ERICH6: variants seen among roughly 807,000 people sequenced by gnomAD.
ERICH6 encodes glutamate-rich protein 6.
Under a neutral mutation model 71.0 loss-of-function variants are expected in ERICH6, and 71 were observed. That is an observed-to-expected ratio of 1.00 (90% confidence interval 0.83 to 1.22). The LOEUF (loss-of-function observed/expected upper bound fraction) is 1.22. Ranked by LOEUF, ERICH6 falls within the 50% of genes most tolerant of loss-of-function variation. The probability of loss-of-function intolerance (pLI) is 0.00; values close to 1 mark genes in which losing one functional copy is unlikely to be tolerated. For missense variants in ERICH6, 808 were observed against 797.2 expected, an observed-to-expected ratio of 1.01 and a Z score of -0.16; for synonymous variants, 262 against 278.4, an observed-to-expected ratio of 0.94 and a Z score of 0.59.
intron 11 of ERICH6, among the ~76,000 whole-genome samples, chr3:150,672,434 C>T (rs1004655974): frequency 4.6e-5 from 7 of 151,480 alleles, no homozygotes; most frequent in African/African-American, 1.7e-4. Flanking sequence ...CCTGTCTCTA[C>T]TAAAAATACA....
chr3:150,703,584 G>C lies in ERICH6; in HGVS notation c.315C>G (p.Ser105Arg), dbSNP rs775879609. ...GGCTGGGCACGAACGTAGAGGTCAG[G>C]CTAGGGCTGACGATGCTGGCTAAGC... ...RPRLASIVSP[S>R]LTSTFVPSQS... Residue 105 changes from serine (S) to arginine (R), a missense_variant, in exon 1 of 14, where the codon AGC becomes AGG. Ser to Arg is a moderately radical substitution (Grantham distance 110). Coordinates refer to ENST00000295910, the MANE Select transcript of ERICH6 (RefSeq NM_152394.5). The C allele has an allele frequency of 6.2e-7, 1 of 1,614,026 alleles. No individual in the cohort carries two copies. The highest frequency in any genetic ancestry group is 8.5e-7 in the Non-Finnish European group (1 of 1,180,012).
chr3:150,662,865 G>A (rs1041321694), intron 13 of ERICH6, among the ~76,000 whole-genome samples: 2 of 152,184 alleles, frequency 1.3e-5, no homozygotes, highest in Non-Finnish European at 2.9e-5. Flanking sequence ...CATGCTAAAT[G>A]GGGATAAAAC....
At chr3:150,689,372 G>A (rs1712330963) in intron 3 of ERICH6, among the ~76,000 whole-genome samples, 2 of 152,138 alleles carry the variant, frequency 1.3e-5, no homozygotes, top group South Asian at 2.1e-4. Context: ...TCATGCTGCC[G>A]TTCCATAGCT....
intron 11 of ERICH6, among the ~76,000 whole-genome samples, chr3:150,671,779 C>T (rs1048247235): frequency 1.3e-5 from 2 of 152,114 alleles, no homozygotes; most frequent in Non-Finnish European, 2.9e-5. Context: ...AGGTGTGCAC[C>T]ACAACACCTG....
intron 12 of ERICH6, among the ~76,000 whole-genome samples, chr3:150,668,130 T>G (rs531509862): frequency 6.6e-6 from 1 of 152,344 alleles, no homozygotes; most frequent in East Asian, 1.9e-4. Flanking sequence ...AGTTTTATCT[T>G]GAAATCTGGG....
chr3:150,686,246 C>A, intron 4 of ERICH6, 52 bp downstream of exon 4: 1 of 1,576,888 alleles, frequency 6.3e-7, no homozygotes, highest in East Asian at 2.2e-5. Context: ...TGATTCCCTT[C>A]TGGTAGTTTA....
At chr3:150,689,080 C>T (rs763375859) in intron 3 of ERICH6, among the ~76,000 whole-genome samples, 27 of 152,200 alleles carry the variant, frequency 1.8e-4, no homozygotes, top group Middle Eastern at 3.2e-3. Context: ...CTTGAGCTAT[C>T]TGTATGGCTC....
At chr3:150,677,211 G>T (rs1447801746) in intron 10 of ERICH6, among the ~76,000 whole-genome samples, 2 of 152,148 alleles carry the variant, frequency 1.3e-5, no homozygotes, top group Non-Finnish European at 2.9e-5. Flanking sequence ...CTGAGTAGCT[G>T]GGATTACAGG....
intron 10 of ERICH6, among the ~76,000 whole-genome samples, chr3:150,674,726 C>T (rs1711583663): frequency 6.6e-6 from 1 of 152,110 alleles, no homozygotes; most frequent in Admixed American, 6.6e-5. Flanking sequence ...TAAAATATTT[C>T]CTCTGCCTAT....
At chr3:150,673,507 ATCTT>A in intron 11 of ERICH6, among the ~76,000 whole-genome samples, 1 of 151,378 alleles carries the variant, frequency 6.6e-6, no homozygotes. Context: ...GTTTTGTTTT[ATCTT>A]TCTATTTATG....
At chr3:150,690,761 G>T (rs1712402520) in intron 3 of ERICH6, among the ~76,000 whole-genome samples, 1 of 152,142 alleles carries the variant, frequency 6.6e-6, no homozygotes, top group Admixed American at 6.6e-5. Context: ...TGCCAAATAT[G>T]ATAAGATGTC....
chr3:150,681,489 A>G (rs1711934396), intron 7 of ERICH6, among the ~76,000 whole-genome samples: 1 of 152,214 alleles, frequency 6.6e-6, no homozygotes, highest in South Asian at 2.1e-4. Context: ...GCTATTACGA[A>G]TCATGCTGCT....
At chr3:150,668,432 A>G (rs1396757962) in intron 12 of ERICH6, among the ~76,000 whole-genome samples, 1 of 152,212 alleles carries the variant, frequency 6.6e-6, no homozygotes, top group Non-Finnish European at 1.5e-5. Context: ...TCTAGAAACC[A>G]ACGAATATTG....
intron 2 of ERICH6, among the ~76,000 whole-genome samples, chr3:150,701,463 AT>A (rs1277541544): frequency 6.6e-6 from 1 of 152,148 alleles, no homozygotes; most frequent in African/African-American, 2.4e-5. Context: ...GTGTAGTTTG[AT>A]TTTTTTAACC....
chr3:150,697,263 A>G (rs1712690147), intron 3 of ERICH6, among the ~76,000 whole-genome samples: 1 of 152,236 alleles, frequency 6.6e-6, no homozygotes, highest in Non-Finnish European at 1.5e-5. Flanking sequence ...CAACATGATA[A>G]TAGTGGTGAC....
chr3:150,703,316 C>CA (rs1713010136), intron 1 of ERICH6, among the ~76,000 whole-genome samples, 180 bp downstream of exon 1: 1 of 152,036 alleles, frequency 6.6e-6, no homozygotes, highest in South Asian at 2.1e-4. Context: ...CACAACAGCT[C>CA]AGCCAAGGGT....
chr3:150,696,646 A>C (rs1337009664), intron 3 of ERICH6, among the ~76,000 whole-genome samples: 3 of 152,176 alleles, frequency 2.0e-5, no homozygotes, highest in Non-Finnish European at 4.4e-5. Flanking sequence ...AATTCAAAGA[A>C]GATAATCGAG....
chr3:150,678,555 CT>C lies in ERICH6; in HGVS notation c.1112-2del, dbSNP rs749972479. Reference sequence around the variant, plus strand: ...GAAATTGTTTTTAAGCGCTTTGAATCTAGTGGGAAAAGAATCACATAGAAAT... The same window carrying C: ...GAAATTGTTTTTAAGCGCTTTGAATCAGTGGGAAAAGAATCACATAGAAAT... On this transcript the variant is annotated splice_acceptor_variant, in intron 9 of 13. Coordinates refer to ENST00000295910, the MANE Select transcript of ERICH6 (RefSeq NM_152394.5). LOFTEE classifies it high-confidence loss of function. The C allele has an allele frequency of 3.1e-6, 5 of 1,588,518 alleles. No homozygotes were observed. The highest frequency in any genetic ancestry group is 2.7e-5 in the African/African-American group (2 of 73,294).
In ERICH6 at chr3:150,660,096, C is replaced by G. The variant is rs1353940889; in HGVS notation, c.1788G>C (p.Leu596=). The change falls in exon 14 of 14, where the codon CTG becomes CTC. Residue 596 remains leucine (L), a synonymous_variant. Coordinates refer to ENST00000295910, the MANE Select transcript of ERICH6 (RefSeq NM_152394.5). ...GACGGATCTTTATTAAACTGGCCAG[C>G]AGAAGAAGGTCATCTCCACTTACGT... is the stretch of plus-strand genomic sequence containing the variant. ...LRYVSGDDLL[L]LASLIKIRRL... 1.9e-6 allele frequency: 3 copies of G among 1,613,984 alleles called. No individual in the cohort carries two copies. Among genetic ancestry groups the G allele is most frequent in the South Asian group, 1.1e-5 (1 of 91,072 alleles).
Sources: allele counts gnomAD v4.1 joint callset (sites outside exome capture counted in the v4.1 genomes callset), GRCh38; gene constraint gnomAD v4.1.1; transcripts MANE v1.5; gene names NCBI Gene and HGNC (gene_info 2026-07-23, HGNC 2026-07-21).